Variants in MYO5B observed in about 807,000 individuals in gnomAD.
MYO5B encodes unconventional myosin-Vb.
MYO5B carries 143 observed loss-of-function variants against 229.3 expected under a neutral mutation model. The observed-to-expected ratio is 0.62, with a 90% CI of 0.54 to 0.72. The LOEUF is 0.72. MYO5B is among the 30% of genes least tolerant of loss of function. The pLI, the probability that MYO5B is intolerant of heterozygous loss-of-function variation, is 0.00. For missense variants in MYO5B, 2,321 were observed against 2,331.0 expected (o/e 1.00, Z 0.09); for synonymous variants, 918 against 885.2 (o/e 1.04, Z -0.66).
Position 49,879,034 on chromosome 18 carries a change from C to A in MYO5B, c.3187G>T (p.Glu1063Ter). 1 of 1,602,410 alleles carries A rather than the reference C, an allele frequency of 6.2e-7. No homozygotes were observed. The highest frequency in any genetic ancestry group is 2.3e-5 in the East Asian group (1 of 43,910). The change falls in exon 24 of 40, where the codon GAG (glutamate) becomes TAG (stop). Residue 1063 changes from glutamate (E) to a stop codon, truncating the protein, a stop_gained. Coordinates refer to ENST00000285039, the MANE Select transcript of MYO5B (RefSeq NM_001080467.3). LOFTEE classifies it high-confidence loss of function. Reference protein sequence around the residue: ...ENLMKKELEEERSRYQNLVKE... With the variant: ...ENLMKKELEE ...ACAAGGTTCTGGTACCGGGATCGCT[C>A]CTCCTCCAGTTCTTTCTTCATGAGA...
chr18:49,852,839 T>C (rs2024217670), intron 31 of MYO5B, among the ~76,000 whole-genome samples: 1 of 152,240 alleles, frequency 6.6e-6, no homozygotes, highest in African/African-American at 2.4e-5. Context: ...TAATACTCAT[T>C]GTTAACTCAA....
intron 1 of MYO5B, among the ~76,000 whole-genome samples, chr18:50,061,079 C>T (rs912745343): frequency 1.3e-5 from 2 of 152,102 alleles, no homozygotes; most frequent in Non-Finnish European, 2.9e-5. Context: ...CCCAAAGAGC[C>T]CCAGCTAAAA....
Position 50,159,656 on chromosome 18 carries a change from C to T in MYO5B, c.27+35111G>A, listed in dbSNP as rs144145480. Among the ~76,000 whole-genome samples the T allele has an allele frequency of 4.2e-3, 638 of 152,296 alleles. 4 individuals carry two copies. The highest frequency in any genetic ancestry group is 0.014 in the African/African-American group (567 of 41,550). ...GTCTCCCAACTGTCCCAAAAGGAAT[C>T]TTCTATTCTAAGAAAAAGTCCCTTT... On this transcript the variant is annotated intron_variant, in intron 1 of 39. Transcript: ENST00000285039.
In MYO5B at chr18:49,992,335, C is replaced by T. The variant is rs766245374; in HGVS notation, c.709G>A (p.Ala237Thr). The T allele has an allele frequency of 5.6e-6, 9 of 1,614,068 alleles. No homozygotes were observed. The Admixed American group carries it at 1.3e-4, about 24-fold the overall frequency. ...GFDKRYHIIGANMRTYLLEKS... is the reference protein window; with the variant it reads ...GFDKRYHIIGTNMRTYLLEKS... The stretch of plus-strand genomic sequence containing the variant: ...TCCAAGAGGTAAGTCCTCATGTTGG[C>T]CCCGATGATGTGGTACCTTTTGTCA... The change falls in exon 6 of 40, where the codon GCC (alanine) becomes ACC (threonine). Residue 237 changes from alanine to threonine, a missense_variant. Coordinates refer to ENST00000285039, the MANE Select transcript of MYO5B (RefSeq NM_001080467.3).
intron 1 of MYO5B, among the ~76,000 whole-genome samples, chr18:50,156,660 C>CA (rs2032683679): frequency 6.6e-6 from 1 of 152,144 alleles, no homozygotes; most frequent in African/African-American, 2.4e-5. Flanking sequence ...AATACAGACC[C>CA]ACATCCAAAG....
At chr18:49,911,252 G>A (rs565696191) in intron 18 of MYO5B, among the ~76,000 whole-genome samples, 327 of 152,330 alleles carry the variant, frequency 2.1e-3, no homozygotes, top group Non-Finnish European at 3.4e-3. Context: ...TGAGCCGGCA[G>A]CTTGCAGTTA....
rs201238002 is a variant in MYO5B, at chr18:49,906,552, C to T, written c.2281G>A (p.Ala761Thr). The change falls in exon 19 of 40, where the codon GCT (alanine) becomes ACT (threonine). Residue 761 changes from alanine (A) to threonine (T), a missense_variant. Ala to Thr is a moderately conservative substitution (Grantham distance 58). Around this residue, in one of 2 missense-constraint regions of MYO5B, gnomAD observed 2,113 missense variants for 2,044.7 expected, o/e 1.03. Transcript: ENST00000285039. The part of the protein sequence containing the change: ...GQVAYLEKLR[A>T]DKFRTATIMI... ...ATGGTGGCTGTCCGGAACTTGTCAG[C>T]CCGCAGCTTCTCCAGGTAGGCCACC... is the stretch of plus-strand genomic sequence containing the variant. The T allele has an allele frequency of 7.4e-6, 12 of 1,614,176 alleles. No homozygotes were observed. The highest frequency in any genetic ancestry group is 1.0e-5 in the Non-Finnish European group (12 of 1,180,038).
chr18:49,977,867 A>T (rs890176760), intron 9 of MYO5B, among the ~76,000 whole-genome samples: 1 of 152,064 alleles, frequency 6.6e-6, no homozygotes, highest in African/African-American at 2.4e-5. Context: ...TGGGATCTTC[A>T]CTCCAGCCCT....
chr18:49,990,379 C>A, intron 7 of MYO5B, 60 bp downstream of exon 7: 2 of 1,432,564 alleles, frequency 1.4e-6, no homozygotes, highest in Non-Finnish European at 2.0e-6. Context: ...GAGCCCCCAG[C>A]TGTGCACCCG....
At chr18:49,847,439 T>C in intron 32 of MYO5B, 150 bp from the exon 33 acceptor site, 1 of 975,580 alleles carries the variant, frequency 1.0e-6, no homozygotes, top group East Asian at 2.6e-5. Context: ...GCAGGGGGCA[T>C]ACTGGGTTCT....
At chr18:50,160,640 G>A (rs557861120) in intron 1 of MYO5B, among the ~76,000 whole-genome samples, 9 of 152,180 alleles carry the variant, frequency 5.9e-5, no homozygotes, top group East Asian at 1.9e-4. Context: ...AGGGTCGGGG[G>A]GTGGCTTGGG....
rs1299657508 is a variant in MYO5B, at chr18:49,825,630, AGTTT to A, written c.*837_*840del. On this transcript the variant is annotated 3_prime_UTR_variant, in exon 40 of 40. Transcript: ENST00000285039. ...GGTTTTTACATCTATAAATAAAACA[AGTTT>A]GTTATCCGTTTCTAATATTTAGCTT... The A allele has an allele frequency of 6.6e-6, 1 of 152,262 alleles. No homozygotes were observed. The highest frequency in any genetic ancestry group is 1.5e-5 in the Non-Finnish European group (1 of 68,038). 9.4% of individuals were successfully genotyped at this position (152,262 alleles called of 1,614,324 possible).
intron 31 of MYO5B, chr18:49,850,552 C>T (rs1423256715): frequency 6.6e-6 from 1 of 152,180 alleles, no homozygotes; most frequent in Non-Finnish European, 1.5e-5. Context: ...CATCTAAAAA[C>T]CCAGCTTAAA....
chr18:50,181,656 C>A (rs948556198), intron 1 of MYO5B, among the ~76,000 whole-genome samples: 13 of 152,174 alleles, frequency 8.5e-5, no homozygotes, highest in African/African-American at 2.9e-4. Flanking sequence ...CAAGTGACCA[C>A]CCCAAAGGAA....
At chr18:50,044,610 T>C (rs1598977331) in intron 2 of MYO5B, among the ~76,000 whole-genome samples, 1 of 151,542 alleles carries the variant, frequency 6.6e-6, no homozygotes, top group African/African-American at 2.4e-5. Context: ...AGGCCTAGAG[T>C]AGGAACTGGT....
At chr18:50,183,335 A>ATATATATATC (rs1555667480) in intron 1 of MYO5B, among the ~76,000 whole-genome samples, 1 of 138,626 alleles carries the variant, frequency 7.2e-6, no homozygotes, top group Non-Finnish European at 1.6e-5. Flanking sequence ...ATATATATAT[A>ATATATATATC]TATCTCCTTC....
intron 4 of MYO5B, among the ~76,000 whole-genome samples, chr18:50,007,861 C>A (rs2026119583): frequency 6.6e-6 from 1 of 152,174 alleles, no homozygotes; most frequent in African/African-American, 2.4e-5. Flanking sequence ...GCTTAAGATT[C>A]ATAAGATCAC....
intron 1 of MYO5B, among the ~76,000 whole-genome samples, chr18:50,165,740 C>A (rs990164389): frequency 1.3e-5 from 2 of 151,958 alleles, no homozygotes; most frequent in Admixed American, 6.6e-5. Context: ...CGTGGCATTG[C>A]ACTCCAGCCT....
intron 30 of MYO5B, 46 bp downstream of exon 30, chr18:49,856,767 G>A (rs1163694801): frequency 2.0e-6 from 3 of 1,501,164 alleles, no homozygotes; most frequent in Non-Finnish European, 2.8e-6. Flanking sequence ...GACATGAGCA[G>A]GCCCAACGGA....
Sources: allele counts gnomAD v4.1 joint callset (sites outside exome capture counted in the v4.1 genomes callset), GRCh38; gene constraint gnomAD v4.1.1; regional missense constraint gnomAD v4.1.1; transcripts MANE v1.5; gene names NCBI Gene and HGNC (gene_info 2026-07-23, HGNC 2026-07-21).